The following ERBB4 variants were observed in gnomAD, a reference collection of about 807,000 sequenced individuals.
ERBB4 encodes erb-b2 receptor tyrosine kinase 4.
Under a neutral mutation model 158.0 loss-of-function variants are expected in ERBB4, and 42 were observed. That is an observed-to-expected ratio of 0.27 (90% CI 0.21 to 0.34). ERBB4 has a LOEUF of 0.34. ERBB4 is among the 10% of genes least tolerant of loss of function. The pLI is 1.00. For missense variants in ERBB4, 1,333 were observed against 1,624.1 expected (o/e 0.82, Z 3.08); for synonymous variants, 583 against 558.7 (o/e 1.04, Z -0.61).
intron 1 of ERBB4, among the ~76,000 whole-genome samples, chr2:212,192,572 G>A (rs1238161160): frequency 6.6e-6 from 1 of 152,004 alleles, no homozygotes; most frequent in South Asian, 2.1e-4. Flanking sequence ...AAGGAAAAAA[G>A]GACAAATAGA....
intron 3 of ERBB4, among the ~76,000 whole-genome samples, chr2:211,912,330 T>C (rs905476719): frequency 6.6e-6 from 1 of 152,062 alleles, no homozygotes; most frequent in Non-Finnish European, 1.5e-5. Context: ...TGGCTTTAAT[T>C]TGGGGGGTCC....
At chr2:211,912,543 A>G (rs1420390591) in intron 3 of ERBB4, among the ~76,000 whole-genome samples, 2 of 152,246 alleles carry the variant, frequency 1.3e-5, no homozygotes, top group Non-Finnish European at 2.9e-5. Context: ...AAAAAAAACT[A>G]GGAAAACATT....
chr2:212,312,081 A>T (rs2087069258), intron 1 of ERBB4, among the ~76,000 whole-genome samples: 2 of 150,950 alleles, frequency 1.3e-5, no homozygotes, highest in South Asian at 4.1e-4. Context: ...GAAAGCGAAG[A>T]TTTTTCCTGG....
At chr2:212,027,379 T>A (rs763983657) in intron 2 of ERBB4, among the ~76,000 whole-genome samples, 1 of 152,120 alleles carries the variant, frequency 6.6e-6, no homozygotes. Flanking sequence ...GTATTTATTT[T>A]TTTATTTCAT....
intron 2 of ERBB4, among the ~76,000 whole-genome samples, chr2:211,957,701 T>C (rs1281614734): frequency 6.6e-6 from 1 of 152,130 alleles, no homozygotes; most frequent in African/African-American, 2.4e-5. Context: ...TTCTATTGTT[T>C]TTCTGAATCC....
intron 4 of ERBB4, among the ~76,000 whole-genome samples, chr2:211,781,530 C>T (rs998495038): frequency 1.8e-4 from 27 of 152,108 alleles, no homozygotes; most frequent in African/African-American, 6.3e-4. Flanking sequence ...TCTTGATGAG[C>T]TAAACCTATG....
At chr2:212,111,908 A>G (rs567332839) in intron 2 of ERBB4, among the ~76,000 whole-genome samples, 21 of 152,292 alleles carry the variant, frequency 1.4e-4, no homozygotes, top group African/African-American at 4.1e-4. Context: ...AATTTGGGCT[A>G]GGTACTGTCA....
In ERBB4 at chr2:211,988,348, T is replaced by C. The variant is rs574254286; in HGVS notation, c.235-40732A>G. Reference sequence around the variant, plus strand: ...TCTCCAAGCCTCATCCCCTTATCCATAAAAGCAGGAATACAAATCCTAGCT... The same window carrying C: ...TCTCCAAGCCTCATCCCCTTATCCACAAAAGCAGGAATACAAATCCTAGCT... On this transcript the variant is annotated intron_variant, in intron 2 of 27. Transcript: ENST00000342788. 1.2e-4 allele frequency among the ~76,000 whole-genome samples: 18 copies of C among 152,120 alleles called. No homozygotes were observed. In the South Asian group the frequency reaches 3.5e-3, roughly 30 times the overall value.
intron 1 of ERBB4, among the ~76,000 whole-genome samples, chr2:212,161,201 A>G (rs1460744983): frequency 1.3e-5 from 2 of 151,926 alleles, no homozygotes; most frequent in African/African-American, 4.8e-5. Flanking sequence ...AGATCAAAAT[A>G]TATCTGTACA....
chr2:211,973,106 T>G (rs922201979), intron 2 of ERBB4, among the ~76,000 whole-genome samples: 3 of 151,628 alleles, frequency 2.0e-5, no homozygotes, highest in East Asian at 1.9e-4. Context: ...CAAAAAAAAG[T>G]GGGCAAAAGA....
intron 1 of ERBB4, among the ~76,000 whole-genome samples, chr2:212,219,205 G>A (rs1204135279): frequency 6.6e-6 from 1 of 151,298 alleles, no homozygotes; most frequent in Non-Finnish European, 1.5e-5. Context: ...TAAAAAATTG[G>A]TAAATGGTAG....
chr2:211,880,924 C>T (rs185118378), intron 3 of ERBB4, among the ~76,000 whole-genome samples: 62 of 152,234 alleles, frequency 4.1e-4, no homozygotes, highest in African/African-American at 1.4e-3. Context: ...TTTAATGGCA[C>T]AAGTAATATC....
At chr2:211,851,832 T>C (rs1306852449) in intron 3 of ERBB4, among the ~76,000 whole-genome samples, 1 of 151,914 alleles carries the variant, frequency 6.6e-6, no homozygotes, top group African/African-American at 2.4e-5. Flanking sequence ...CAAGAATTTT[T>C]TTAATCAAAA....
intron 1 of ERBB4, among the ~76,000 whole-genome samples, chr2:212,536,490 T>C (rs929811640): frequency 1.3e-5 from 2 of 152,156 alleles, no homozygotes; most frequent in Non-Finnish European, 2.9e-5. Context: ...GCCCCCAGAA[T>C]TTCAAGTACA....
intron 1 of ERBB4, among the ~76,000 whole-genome samples, chr2:212,417,999 A>C (rs2091697308): frequency 6.6e-6 from 1 of 151,560 alleles, no homozygotes; most frequent in Non-Finnish European, 1.5e-5. Flanking sequence ...AAGAGGCACC[A>C]GAGCTTCCCT....
At chr2:211,872,780 T>C (rs185657207) in intron 3 of ERBB4, among the ~76,000 whole-genome samples, 118 of 152,252 alleles carry the variant, frequency 7.8e-4, no homozygotes, top group Non-Finnish European at 1.2e-3. Flanking sequence ...TGTATTGTTT[T>C]ACTGTAAGTA....
chr2:211,516,817 G>A (rs2066046849), intron 20 of ERBB4, among the ~76,000 whole-genome samples: 1 of 152,072 alleles, frequency 6.6e-6, no homozygotes, highest in African/African-American at 2.4e-5. Flanking sequence ...AAATAGAATA[G>A]GAGAACCCTT....
intron 20 of ERBB4, among the ~76,000 whole-genome samples, chr2:211,510,190 G>A (rs1025897570): frequency 2.0e-5 from 3 of 152,018 alleles, no homozygotes; most frequent in African/African-American, 7.2e-5. Context: ...AACCTAAGTT[G>A]ACCATCAATG....
At chr2:211,920,090 A>G (rs1261412868) in intron 3 of ERBB4, among the ~76,000 whole-genome samples, 2 of 151,970 alleles carry the variant, frequency 1.3e-5, no homozygotes, top group Non-Finnish European at 2.9e-5. Context: ...AAATCTGGCA[A>G]AAACTCCCAT....
Sources: allele counts gnomAD v4.1 joint callset (sites outside exome capture counted in the v4.1 genomes callset), GRCh38; gene constraint gnomAD v4.1.1; transcripts MANE v1.5; gene names NCBI Gene and HGNC (gene_info 2026-07-23, HGNC 2026-07-21).